Variants in TACC2 observed in about 807,000 individuals in gnomAD.
TACC2 encodes the protein transforming acidic coiled-coil-containing protein 2.
In TACC2, 137 loss-of-function variants were observed where a neutral mutation model predicts 227.3. That is an observed-to-expected ratio of 0.60 (90% CI 0.52 to 0.69). TACC2 has a LOEUF of 0.69. Ranked by LOEUF, TACC2 falls within the 30% of genes least tolerant of loss-of-function variation. TACC2 has a pLI of 0.00. For missense variants in TACC2, 3,470 were observed against 3,694.4 expected, an observed-to-expected ratio of 0.94 and a Z score of 1.57; for synonymous variants, 1,523 against 1,487.5, an observed-to-expected ratio of 1.02 and a Z score of -0.55.
chr10:122,213,196 C>G, intron 9 of TACC2: 3 of 764,352 alleles, frequency 3.9e-6, no homozygotes, highest in Non-Finnish European at 6.6e-6. Context: ...AAGCTGTTCC[C>G]CAGCAGCTCC....
intron 2 of TACC2, among the ~76,000 whole-genome samples, chr10:122,024,134 G>A (rs927846262): frequency 4.6e-5 from 7 of 152,142 alleles, no homozygotes; most frequent in Middle Eastern, 3.2e-3. Flanking sequence ...TTGGGAGGCC[G>A]AGGCAGGAGG....
At chr10:122,089,300 G>A (rs1039455522) in intron 5 of TACC2, among the ~76,000 whole-genome samples, 5 of 152,022 alleles carry the variant, frequency 3.3e-5, no homozygotes, top group Admixed American at 1.3e-4. Context: ...CACACCCGCC[G>A]CATCATCTCT....
intron 9 of TACC2, 100 bp from the exon 10 acceptor site, chr10:122,215,291 A>G: frequency 9.3e-7 from 1 of 1,074,120 alleles, no homozygotes. Context: ...GGCCTGGGCC[A>G]GATGGCTCCG....
intron 1 of TACC2, among the ~76,000 whole-genome samples, chr10:122,018,260 A>C (rs546626317): frequency 6.6e-6 from 1 of 152,230 alleles, no homozygotes; most frequent in African/African-American, 2.4e-5. Flanking sequence ...GCTGAGGATG[A>C]TGGCTTCCAG....
chr10:122,252,397 A>G (rs2096269047), intron 22 of TACC2, among the ~76,000 whole-genome samples: 1 of 152,022 alleles, frequency 6.6e-6, no homozygotes, highest in Non-Finnish European at 1.5e-5. Context: ...TGTCTTCAGC[A>G]TGGTGAGCAG....
chr10:122,160,179 G>A (rs2092732651), intron 7 of TACC2, among the ~76,000 whole-genome samples: 1 of 152,180 alleles, frequency 6.6e-6, no homozygotes, highest in African/African-American at 2.4e-5. Context: ...TAGAAATGAT[G>A]GATGCATTCC....
At chr10:122,001,154 T>C (rs890469430) in intron 1 of TACC2, among the ~76,000 whole-genome samples, 6 of 152,232 alleles carry the variant, frequency 3.9e-5, no homozygotes, top group African/African-American at 1.4e-4. Context: ...AATACTTCCA[T>C]TGTTTAATCA....
rs1020247194 is a variant in TACC2, at chr10:122,085,284, A to G, written c.2784A>G (p.Thr928=). 3 of 1,613,952 alleles carry G rather than the reference A, an allele frequency of 1.9e-6. No individual in the cohort carries two copies. Among genetic ancestry groups the G allele is most frequent in the Non-Finnish European group, 2.5e-6 (3 of 1,180,046 alleles). ...ACATGGTTTGGGAGAGTTCTCTGACAGAAGAGTCAGAATTGTCAGCACCAA... is the reference window on the plus strand; with the variant it reads ...ACATGGTTTGGGAGAGTTCTCTGACGGAAGAGTCAGAATTGTCAGCACCAA... ...PTDMVWESSL[T]EESELSAPTR... is the part of the protein sequence containing the mutation. Residue 928 remains threonine (T), a synonymous_variant, in exon 4 of 23, where the codon ACA becomes ACG. Transcript: ENST00000369005.
chr10:122,146,172 G>C (rs2091348227), intron 7 of TACC2, among the ~76,000 whole-genome samples: 1 of 152,168 alleles, frequency 6.6e-6, no homozygotes, highest in Non-Finnish European at 1.5e-5. Context: ...TCGACTGAGA[G>C]CTTAGGCTGA....
At chr10:122,125,039 G>A (rs1008575061) in intron 5 of TACC2, among the ~76,000 whole-genome samples, 5 of 149,594 alleles carry the variant, frequency 3.3e-5, no homozygotes. Flanking sequence ...CTGGGAAATC[G>A]CCATCCAGTC....
chr10:122,044,904 A>G (rs1469880319), intron 2 of TACC2, among the ~76,000 whole-genome samples: 2 of 152,104 alleles, frequency 1.3e-5, no homozygotes, highest in Non-Finnish European at 2.9e-5. Flanking sequence ...AAGGCTTGCC[A>G]ATTGTTTTTC....
In TACC2 at chr10:122,211,787, A is replaced by G. The variant is rs150322277; in HGVS notation, c.7283+79A>G. On this transcript the variant is annotated intron_variant, in intron 9 of 22. Coordinates refer to ENST00000369005, the MANE Select transcript of TACC2 (RefSeq NM_206862.4). The stretch of plus-strand genomic sequence containing the variant: ...GTGACCCTTGGTCATGTGCCTGGAT[A>G]ACCTTCGACTGCCCTAACCTTGCCC... 9.1e-4 allele frequency: 1,179 copies of G among 1,296,750 alleles called. 12 individuals carry two copies. The African/African-American group carries it at 0.013, about 14-fold the overall frequency. The allele number at this position is 1,296,750 out of a possible 1,614,324, so 80.3% of individuals were successfully genotyped here. A position where few individuals can be genotyped will look rare whatever the true frequency, so the allele number is the denominator to read the frequency against.
chr10:122,205,673 C>CA lies in TACC2; in HGVS notation c.5972-4724_5972-4723insA, dbSNP rs2095078977. ...ACCTGTTACGATGGGGGCCCTGAGC[C>CA]CCCACCCCAGCCCTGCAGAAGGAAG... is the stretch of plus-strand genomic sequence containing the variant. On this transcript the variant is annotated intron_variant, in intron 8 of 22. Coordinates refer to ENST00000369005, the MANE Select transcript of TACC2 (RefSeq NM_206862.4). The surrounding 1 kb of genome is among the most constrained non-coding windows in gnomAD (Gnocchi z 4.5). Among the ~76,000 whole-genome samples the CA allele has an allele frequency of 6.6e-6, 1 of 152,202 alleles. No homozygotes were observed. The highest frequency in any genetic ancestry group is 2.1e-4 in the South Asian group (1 of 4,828).
intron 5 of TACC2, among the ~76,000 whole-genome samples, chr10:122,110,744 C>G (rs2083488693): frequency 6.6e-6 from 1 of 152,178 alleles, no homozygotes; most frequent in Non-Finnish European, 1.5e-5. Flanking sequence ...CAGTAATAAC[C>G]AGGTACCTAC....
chr10:122,022,727 T>G (rs1252380421), intron 2 of TACC2: 1 of 152,250 alleles, frequency 6.6e-6, no homozygotes, highest in Non-Finnish European at 1.5e-5. Flanking sequence ...AAAATGATTT[T>G]GAAATCTATC....
At chr10:122,092,223 A>G (rs916169096) in intron 5 of TACC2, among the ~76,000 whole-genome samples, 1 of 152,178 alleles carries the variant, frequency 6.6e-6, no homozygotes, top group East Asian at 1.9e-4. Flanking sequence ...AAATATTTCA[A>G]TGGCTGAGGA....
rs777932612 is a variant in TACC2, at chr10:122,249,090, C to G, written c.8594C>G (p.Ser2865Cys). The change falls in exon 21 of 23, where the codon TCC becomes TGC. Residue 2865 changes from serine (S) to cysteine (C), a missense_variant. Ser to Cys is a moderately radical substitution (Grantham distance 112). Around this residue, in one of 10 missense-constraint regions of TACC2, gnomAD observed 89 missense variants for 91.4 expected, o/e 0.97. Coordinates refer to ENST00000369005, the MANE Select transcript of TACC2 (RefSeq NM_206862.4). ...AAGAGATGTGCGCAGGAGTACCTGT[C>G]CCGGGTGAAGAAGGAGGAGCAGAGG... is the stretch of plus-strand genomic sequence containing the variant. The part of the protein sequence containing the change: ...VLKRCAQEYL[S>C]RVKKEEQRYQ... 1.9e-6 allele frequency: 3 copies of G among 1,613,372 alleles called. No individual in the cohort carries two copies. Among genetic ancestry groups the G allele is most frequent in the East Asian group, 4.5e-5 (2 of 44,866 alleles).
intron 19 of TACC2, among the ~76,000 whole-genome samples, chr10:122,242,914 C>T (rs911257102): frequency 2.6e-5 from 4 of 152,052 alleles, no homozygotes; most frequent in East Asian, 1.9e-4. Flanking sequence ...GATTACAAGG[C>T]GTGAGCTACC....
chr10:122,212,441 A>G (rs1295947264), intron 9 of TACC2, among the ~76,000 whole-genome samples: 2 of 152,132 alleles, frequency 1.3e-5, no homozygotes, highest in Non-Finnish European at 2.9e-5. Flanking sequence ...TAAATATCAA[A>G]CACCCATGCC....
Sources: allele counts gnomAD v4.1 joint callset (sites outside exome capture counted in the v4.1 genomes callset), GRCh38; gene constraint gnomAD v4.1.1; regional missense constraint gnomAD v4.1.1; non-coding constraint Gnocchi (gnomAD v3.1); transcripts MANE v1.5; gene names NCBI Gene and HGNC (gene_info 2026-07-23, HGNC 2026-07-21).